AKR1C3: variants seen among roughly 807,000 people sequenced by gnomAD.
AKR1C3 encodes aldo-keto reductase family 1 member C3, also known as 3-alpha hydroxysteroid dehydrogenase, type II.
Under a neutral mutation model 43.6 loss-of-function variants are expected in AKR1C3, and 48 were observed. The ratio of observed to expected loss-of-function variants is 1.10; its 90% CI spans 0.87 to 1.40. The LOEUF (loss-of-function observed/expected upper bound fraction) is 1.40, where lower values mean the gene tolerates loss of function less well. AKR1C3 is among the 40% of genes most tolerant of loss of function. The probability of loss-of-function intolerance (pLI) is 0.00; values close to 1 mark genes in which losing one functional copy is unlikely to be tolerated. For synonymous variants in AKR1C3, 162 were observed against 139.6 expected (o/e 1.16, Z -1.13); for missense variants, 482 against 391.2 (o/e 1.23, Z -1.96).
intron 1 of AKR1C3, among the ~76,000 whole-genome samples, chr10:5,054,112 G>A (rs536627532): frequency 6.6e-6 from 1 of 152,306 alleles, no homozygotes; most frequent in Non-Finnish European, 1.5e-5. Context: ...CGACTGGTTA[G>A]TGTGAAAACA....
At chr10:5,098,141 C>CA in intron 3 of AKR1C3, 3 of 986,022 alleles carry the variant, frequency 3.0e-6, no homozygotes, top group Non-Finnish European at 3.6e-6. Context: ...CTAGTTAATG[C>CA]AAAAGAGTTT....
intron 1 of AKR1C3, among the ~76,000 whole-genome samples, chr10:5,077,427 A>G (rs1328915880): frequency 2.0e-5 from 3 of 152,162 alleles, no homozygotes; most frequent in African/African-American, 4.8e-5. Context: ...GCTTGTTAGA[A>G]TGATGTTCTT....
Position 5,098,878 on chromosome 10 carries a change from A to T in AKR1C3, c.446A>T (p.Glu149Val). ...FDIVDLCTTW[E>V]AMEKCKDAGL... is the part of the protein sequence containing the mutation. ...ATAGTGGATCTCTGTACCACCTGGG[A>T]GGTGAGTGCTTGGCGGAGAGGACAC... is the stretch of plus-strand genomic sequence containing the variant. The change falls in exon 4 of 9, where the codon GAG becomes GTG. Residue 149 changes from glutamate (E) to valine (V), a missense_variant and splice_region_variant. Coordinates refer to ENST00000380554, the MANE Select transcript of AKR1C3 (RefSeq NM_003739.6). 1 of 1,611,624 alleles carries T rather than the reference A, an allele frequency of 6.2e-7. No homozygotes were observed. Among genetic ancestry groups the T allele is most frequent in the Non-Finnish European group, 8.5e-7 (1 of 1,178,762 alleles).
At chr10:5,057,777 G>A (rs1322075677) in intron 1 of AKR1C3, among the ~76,000 whole-genome samples, 5 of 152,176 alleles carry the variant, frequency 3.3e-5, no homozygotes, top group African/African-American at 1.2e-4. Flanking sequence ...TTCTTCGGCT[G>A]TCATGCTATC....
chr10:5,079,192 G>A (rs569954663), intron 1 of AKR1C3, among the ~76,000 whole-genome samples: 1 of 152,182 alleles, frequency 6.6e-6, no homozygotes, highest in African/African-American at 2.4e-5. Flanking sequence ...TGTCCAGTGT[G>A]TCTGAGGGTG....
At position 5,104,878 on chromosome 10, in the gene AKR1C3, G is replaced by C. The variant is rs587749474; in HGVS notation, c.847-717G>C. ...TGTGGATTTTCTAATGTGTAGAAATGTTAAAAGAAAAATGTAATGAACACC... is the reference window on the plus strand; with the variant it reads ...TGTGGATTTTCTAATGTGTAGAAATCTTAAAAGAAAAATGTAATGAACACC... On this transcript the variant is annotated intron_variant, in intron 7 of 8. Coordinates refer to ENST00000380554, the MANE Select transcript of AKR1C3 (RefSeq NM_003739.6). 4.6e-5 allele frequency among the ~76,000 whole-genome samples: 7 copies of C among 152,212 alleles called. No individual in the cohort carries two copies. The East Asian group carries it at 1.3e-3, about 29-fold the overall frequency.
intron 1 of AKR1C3, among the ~76,000 whole-genome samples, chr10:5,065,958 T>C (rs1414575771): frequency 1.3e-5 from 2 of 152,120 alleles, no homozygotes; most frequent in African/African-American, 4.8e-5. Context: ...CACAGAACTC[T>C]CACTCTGCTC....
upstream of AKR1C3, among the ~76,000 whole-genome samples, chr10:5,091,337 G>A (rs1221318956): frequency 6.6e-5 from 10 of 152,182 alleles, no homozygotes; most frequent in Non-Finnish European, 8.8e-5. Context: ...TAATTTTCTC[G>A]AAGTTCTGGA....
intron 1 of AKR1C3, among the ~76,000 whole-genome samples, chr10:5,078,849 A>G (rs1554782098): frequency 2.6e-5 from 4 of 152,206 alleles, no homozygotes; most frequent in Admixed American, 6.5e-5. Context: ...AGACAAGAAG[A>G]GCTTCAGATG....
chr10:5,087,034 C>G (rs1468835952), intron 1 of AKR1C3, among the ~76,000 whole-genome samples: 1 of 152,126 alleles, frequency 6.6e-6, no homozygotes, highest in African/African-American at 2.4e-5. Context: ...ATTTGCCAGT[C>G]TGTCTTTTAA....
At chr10:5,095,406 AACG>A (rs1252995272) in intron 1 of AKR1C3, among the ~76,000 whole-genome samples, 3 of 152,040 alleles carry the variant, frequency 2.0e-5, no homozygotes, top group Non-Finnish European at 4.4e-5. Flanking sequence ...AAATGAAAAT[AACG>A]ACACAACTGA....
chr10:5,051,085 G>GTTT (rs1564350357), intron 1 of AKR1C3, among the ~76,000 whole-genome samples: 5 of 152,212 alleles, frequency 3.3e-5, no homozygotes, highest in African/African-American at 1.2e-4. Flanking sequence ...GACTGTGTGT[G>GTTT]TGTTTTGTTT....
Position 5,074,215 on chromosome 10 carries a change from C to T in AKR1C3, c.85-22195C>T, listed in dbSNP as rs570759082. The stretch of plus-strand genomic sequence containing the variant: ...TAAAATGTATGATACCAAGCTGTGC[C>T]CCGACCACGTTGGACACATATCCTC... On this transcript the variant is annotated intron_variant, in intron 1 of 8. Transcript: ENST00000439082. 2.0e-5 allele frequency among the ~76,000 whole-genome samples: 3 copies of T among 152,230 alleles called. No homozygotes were observed. The East Asian group carries it at 5.8e-4, about 29-fold the overall frequency.
chr10:5,059,999 T>C (rs1361415388), intron 1 of AKR1C3, among the ~76,000 whole-genome samples: 2 of 152,176 alleles, frequency 1.3e-5, no homozygotes, highest in Non-Finnish European at 2.9e-5. Flanking sequence ...GGTGGGTGCA[T>C]GGTCTCGCTG....
chr10:5,090,878 A>T (rs1487228421), upstream of AKR1C3, among the ~76,000 whole-genome samples: 1 of 152,176 alleles, frequency 6.6e-6, no homozygotes, highest in Non-Finnish European at 1.5e-5. Context: ...AGATGAAGAA[A>T]TTGTTTTAAG....
intron 8 of AKR1C3, among the ~76,000 whole-genome samples, chr10:5,106,810 T>C (rs1839512110): frequency 6.6e-6 from 1 of 151,480 alleles, no homozygotes; most frequent in Admixed American, 6.6e-5. Flanking sequence ...TAACAAGTGA[T>C]AGGGTGAGAT....
At chr10:5,101,536 A>G (rs1839350407) in intron 5 of AKR1C3, among the ~76,000 whole-genome samples, 1 of 152,174 alleles carries the variant, frequency 6.6e-6, no homozygotes, top group Admixed American at 6.6e-5. Flanking sequence ...GGTGGAGGCA[A>G]ATTATTTTGT....
intron 1 of AKR1C3, among the ~76,000 whole-genome samples, chr10:5,058,452 T>C (rs1564353512): frequency 1.3e-5 from 2 of 152,046 alleles, no homozygotes; most frequent in Non-Finnish European, 2.9e-5. Context: ...GGTTTGTGGG[T>C]CAAATTGGTC....
At chr10:5,103,758 C>T (rs1433243919) in intron 7 of AKR1C3, among the ~76,000 whole-genome samples, 5 of 152,124 alleles carry the variant, frequency 3.3e-5, no homozygotes, top group African/African-American at 1.2e-4. Flanking sequence ...GCAAATATTA[C>T]CCACATTACA....
Sources: gnomAD v4.1 joint callset for allele counts (sites outside exome capture counted in the v4.1 genomes callset) on GRCh38, gnomAD v4.1.1 for gene constraint, MANE v1.5 for transcripts, NCBI Gene and HGNC (gene_info 2026-07-23, HGNC 2026-07-21) for gene names.